The following NR3C2 variants were observed in gnomAD, a reference collection of about 807,000 sequenced individuals.
The protein encoded by NR3C2 is nuclear receptor subfamily 3 group C member 2.
In NR3C2, 15 loss-of-function variants were observed where a neutral mutation model predicts 86.4. The ratio of observed to expected loss-of-function variants is 0.17; its 90% confidence interval spans 0.12 to 0.27. The LOEUF is 0.27. NR3C2 is among the 10% of genes least tolerant of loss of function. NR3C2 has a pLI of 1.00. For missense variants in NR3C2, 960 were observed against 1,195.6 expected (o/e 0.80, Z 2.91); for synonymous variants, 458 against 450.5 (o/e 1.02, Z -0.21).
At chr4:148,154,153 C>A (rs1328280116) in intron 5 of NR3C2, among the ~76,000 whole-genome samples, 1 of 151,940 alleles carries the variant, frequency 6.6e-6, no homozygotes, top group Non-Finnish European at 1.5e-5. Flanking sequence ...GGATTACAGG[C>A]ACCTGCCACC....
intron 2 of NR3C2, among the ~76,000 whole-genome samples, chr4:148,396,477 T>C (rs767880273): frequency 3.3e-5 from 5 of 152,208 alleles, no homozygotes; most frequent in Non-Finnish European, 7.4e-5. Flanking sequence ...TTTAGAAAGG[T>C]AACTGAAGCT....
upstream of NR3C2, chr4:148,444,202 A>T (rs1455809908): frequency 1.0e-6 from 1 of 984,448 alleles, no homozygotes; most frequent in Non-Finnish European, 1.2e-6. Context: ...TTGCCGAATT[A>T]TTCATTATTA....
intron 2 of NR3C2, among the ~76,000 whole-genome samples, chr4:148,375,146 C>T (rs908385057): frequency 6.6e-6 from 1 of 151,952 alleles, no homozygotes; most frequent in African/African-American, 2.4e-5. Context: ...TTTCCCTGTA[C>T]AAAATTCATC....
In NR3C2 at chr4:148,154,615, G is replaced by T. The variant is rs1353658841; in HGVS notation, c.2301C>A (p.Ser767=). The T allele has an allele frequency of 6.2e-7, 1 of 1,614,198 alleles. No homozygotes were observed. Among genetic ancestry groups the T allele is most frequent in the South Asian group, 1.1e-5 (1 of 91,074 alleles). Residue 767 remains serine (S), a synonymous_variant, in exon 5 of 9, where the codon TCC becomes TCA. Transcript: ENST00000358102. ...SKPDTAENLL[S]TLNRLAGKQM... is the part of the protein sequence containing the mutation. ...GTTTGCCTGCTAAGCGGTTGAGCGTGGAGAGCAGATTTTCGGCTGTATCTG... is the reference window on the plus strand; with the variant it reads ...GTTTGCCTGCTAAGCGGTTGAGCGTTGAGAGCAGATTTTCGGCTGTATCTG...
intron 2 of NR3C2, among the ~76,000 whole-genome samples, chr4:148,411,272 A>G (rs1369518170): frequency 2.6e-5 from 4 of 152,196 alleles, no homozygotes; most frequent in Non-Finnish European, 4.4e-5. Flanking sequence ...TCACTTGGGG[A>G]AAAATTTCGA....
At chr4:148,222,886 TG>T (rs1443273630) in intron 3 of NR3C2, among the ~76,000 whole-genome samples, 2 of 152,122 alleles carry the variant, frequency 1.3e-5, no homozygotes, top group South Asian at 2.1e-4. Flanking sequence ...ATCATGCTCT[TG>T]GGAGCCGCAT....
At chr4:148,389,125 G>T (rs1278479766) in intron 2 of NR3C2, among the ~76,000 whole-genome samples, 1 of 152,120 alleles carries the variant, frequency 6.6e-6, no homozygotes, top group African/African-American at 2.4e-5. Flanking sequence ...CATTACACTT[G>T]GCTCTTCTTA....
chr4:148,391,921 T>G (rs2126495067), intron 2 of NR3C2, among the ~76,000 whole-genome samples: 1 of 151,992 alleles, frequency 6.6e-6, no homozygotes, highest in South Asian at 2.1e-4. Flanking sequence ...CTTGAGAATT[T>G]TTTATACAAT....
At chr4:148,132,109 A>G (rs1469666167) in intron 6 of NR3C2, among the ~76,000 whole-genome samples, 1 of 152,246 alleles carries the variant, frequency 6.6e-6, no homozygotes, top group African/African-American at 2.4e-5. Flanking sequence ...GTACAAGGAT[A>G]TATGTCTTTA....
chr4:148,360,306 A>G (rs1341809943), intron 2 of NR3C2, among the ~76,000 whole-genome samples: 1 of 152,190 alleles, frequency 6.6e-6, no homozygotes, highest in Admixed American at 6.5e-5. Context: ...TTTGTCCTAC[A>G]TGACACTATG....
chr4:148,312,843 T>C (rs1482497730), intron 2 of NR3C2, among the ~76,000 whole-genome samples: 1 of 152,204 alleles, frequency 6.6e-6, no homozygotes. Flanking sequence ...AAAAAGGCTT[T>C]TTTTTATGGG....
intron 8 of NR3C2, among the ~76,000 whole-genome samples, chr4:148,094,719 AAAAAAAACAAAAAAAAC>A (rs1731203090): frequency 1.5e-5 from 2 of 134,676 alleles, no homozygotes; most frequent in Non-Finnish European, 3.1e-5. Context: ...CCATCTCAAA[AAAAAAAACAAAAAAAAC>A]AAAAAAACAA....
At chr4:148,182,867 C>T (rs1040948307) in intron 4 of NR3C2, among the ~76,000 whole-genome samples, 2 of 152,158 alleles carry the variant, frequency 1.3e-5, no homozygotes, top group Non-Finnish European at 2.9e-5. Context: ...ATGTGCACAA[C>T]GTGCAGGTTT....
At chr4:148,097,390 T>C (rs1349315148) in intron 8 of NR3C2, among the ~76,000 whole-genome samples, 2 of 152,212 alleles carry the variant, frequency 1.3e-5, no homozygotes, top group African/African-American at 2.4e-5. Flanking sequence ...TACTGAACAA[T>C]TGCTCCTAGG....
chr4:148,124,381 C>T (rs761455375), intron 6 of NR3C2, among the ~76,000 whole-genome samples: 16 of 152,186 alleles, frequency 1.1e-4, no homozygotes, highest in Admixed American at 7.2e-4. Flanking sequence ...AGGTGATTTA[C>T]GACAGTACTT....
intron 8 of NR3C2, among the ~76,000 whole-genome samples, chr4:148,112,562 G>T (rs1262637534): frequency 6.6e-6 from 1 of 152,150 alleles, no homozygotes; most frequent in East Asian, 1.9e-4. Context: ...CCAAAGCCTT[G>T]CTTGCCATCA....
chr4:148,323,475 A>C (rs1387030859), intron 2 of NR3C2, among the ~76,000 whole-genome samples: 2 of 144,202 alleles, frequency 1.4e-5, no homozygotes, highest in Non-Finnish European at 3.0e-5. Context: ...CCCCTCCCCC[A>C]GCCTGGCTGC....
At chr4:148,142,870 G>T (rs759367905) in intron 6 of NR3C2, among the ~76,000 whole-genome samples, 5 of 152,116 alleles carry the variant, frequency 3.3e-5, no homozygotes, top group Non-Finnish European at 7.4e-5. Flanking sequence ...CGCTGACAGT[G>T]CTCATTTAAA....
intron 2 of NR3C2, among the ~76,000 whole-genome samples, chr4:148,302,041 T>C (rs965417664): frequency 1.3e-5 from 2 of 152,230 alleles, no homozygotes; most frequent in Non-Finnish European, 2.9e-5. Flanking sequence ...ACCAGATTTC[T>C]TTGTCAATTT....
Sources: allele counts gnomAD v4.1 joint callset (sites outside exome capture counted in the v4.1 genomes callset), GRCh38; gene constraint gnomAD v4.1.1; transcripts MANE v1.5; gene names NCBI Gene and HGNC (gene_info 2026-07-23, HGNC 2026-07-21).